LYRM7: variants seen among roughly 807,000 people sequenced by gnomAD.
LYRM7 encodes the protein LYR motif containing 7.
Under a neutral mutation model 15.8 loss-of-function variants are expected in LYRM7, and 9 were observed. That is an observed-to-expected ratio of 0.57 (90% CI 0.34 to 0.99). The LOEUF (loss-of-function observed/expected upper bound fraction) is 0.99, where lower values mean the gene tolerates loss of function less well. LYRM7 is among the 50% of genes least tolerant of loss of function. The pLI is 0.02. For synonymous variants in LYRM7, 39 were observed against 39.4 expected (o/e 0.99, Z 0.04); for missense variants, 115 against 119.1 (o/e 0.97, Z 0.16).
At chr5:131,182,912 T>C (rs1005751479) in intron 3 of LYRM7, among the ~76,000 whole-genome samples, 1 of 152,140 alleles carries the variant, frequency 6.6e-6, no homozygotes, top group Non-Finnish European at 1.5e-5. Context: ...CAGCTTCCTA[T>C]GTCTAACTAT....
At chr5:131,197,617 C>T (rs1241702936) in intron 4 of LYRM7, among the ~76,000 whole-genome samples, 1 of 138,510 alleles carries the variant, frequency 7.2e-6, no homozygotes, top group African/African-American at 2.7e-5. Flanking sequence ...TTATTGCTCA[C>T]TGTAATCTCA....
At chr5:131,193,464 C>A (rs1755916307) in intron 4 of LYRM7, among the ~76,000 whole-genome samples, 1 of 152,192 alleles carries the variant, frequency 6.6e-6, no homozygotes, top group African/African-American at 2.4e-5. Context: ...GGGAAGAAAA[C>A]ACTTTTGTGT....
At chr5:131,186,304 T>C (rs1334070189) in intron 3 of LYRM7, among the ~76,000 whole-genome samples, 1 of 152,208 alleles carries the variant, frequency 6.6e-6, no homozygotes, top group Non-Finnish European at 1.5e-5. Flanking sequence ...AAAATGTGCA[T>C]TTTAAACACA....
At chr5:131,181,949 G>C (rs1755720090) in intron 2 of LYRM7, among the ~76,000 whole-genome samples, 1 of 152,128 alleles carries the variant, frequency 6.6e-6, no homozygotes, top group Non-Finnish European at 1.5e-5. Context: ...TTATAATTCA[G>C]TAGCTATAGG....
intron 1 of LYRM7, among the ~76,000 whole-genome samples, chr5:131,178,696 C>A (rs928239285): frequency 2.0e-5 from 3 of 152,110 alleles, no homozygotes; most frequent in African/African-American, 7.2e-5. Flanking sequence ...GACGTAGTGG[C>A]TCACACCTGT....
chr5:131,196,045 A>G (rs1580700567), intron 4 of LYRM7, among the ~76,000 whole-genome samples: 1 of 150,950 alleles, frequency 6.6e-6, no homozygotes, highest in East Asian at 1.9e-4. Context: ...ATTTATATGC[A>G]TTTTGCATAG....
chr5:131,175,904 G>A lies in LYRM7; in HGVS notation c.19-4191G>A, dbSNP rs1231058126. Among the ~76,000 whole-genome samples the A allele has an allele frequency of 3.3e-5, 5 of 152,064 alleles. No homozygotes were observed. The East Asian group carries it at 9.7e-4, about 29-fold the overall frequency. On this transcript the variant is annotated intron_variant, in intron 1 of 4. Coordinates refer to ENST00000379380, the MANE Select transcript of LYRM7 (RefSeq NM_181705.4). Reference sequence around the variant, plus strand: ...CTCCCAAGTAGCTGGGATTACAGGTGCCCACCACCACACCAGCTAATTTTT... The same window carrying A: ...CTCCCAAGTAGCTGGGATTACAGGTACCCACCACCACACCAGCTAATTTTT...
intron 4 of LYRM7, among the ~76,000 whole-genome samples, chr5:131,187,967 A>G (rs533928053): frequency 1.3e-5 from 2 of 152,218 alleles, no homozygotes; most frequent in South Asian, 4.2e-4. Context: ...ATGACATTCA[A>G]AATTGTTGGC....
intron 4 of LYRM7, among the ~76,000 whole-genome samples, chr5:131,198,733 A>ATT (rs564975657): frequency 8.9e-5 from 12 of 134,708 alleles, no homozygotes; most frequent in African/African-American, 2.2e-4. Flanking sequence ...CACCCAGCTG[A>ATT]TTTTTTTTTT....
intron 4 of LYRM7, among the ~76,000 whole-genome samples, chr5:131,190,714 C>T (rs1355526314): frequency 6.6e-6 from 1 of 151,882 alleles, no homozygotes; most frequent in African/African-American, 2.4e-5. Context: ...TGGTCTGGAA[C>T]TCCTGACCTC....
At chr5:131,172,925 G>A (rs1755545452) in intron 1 of LYRM7, among the ~76,000 whole-genome samples, 1 of 152,106 alleles carries the variant, frequency 6.6e-6, no homozygotes, top group South Asian at 2.1e-4. Flanking sequence ...TCTGTGACCT[G>A]GCTTTCTGCA....
At chr5:131,181,886 C>T (rs1755718974) in intron 2 of LYRM7, among the ~76,000 whole-genome samples, 1 of 151,894 alleles carries the variant, frequency 6.6e-6, no homozygotes, top group Non-Finnish European at 1.5e-5. Context: ...CTTAAAAAAG[C>T]ATTTTAATAG....
rs527547632 is a variant in LYRM7, at chr5:131,195,975, T to C, written c.245-3556T>C. Among the ~76,000 whole-genome samples the C allele has an allele frequency of 4.6e-5, 7 of 152,164 alleles. 1 individual carries two copies. The South Asian group carries it at 1.2e-3, about 27-fold the overall frequency. On this transcript the variant is annotated intron_variant, in intron 4 of 4. Transcript: ENST00000379380. ...TGTAACCAAACATCCTTGATTTCAGTCTAGATGAGACCTGAGGGGACAGGT... is the reference window on the plus strand; with the variant it reads ...TGTAACCAAACATCCTTGATTTCAGCCTAGATGAGACCTGAGGGGACAGGT...
rs756131772 is a variant in LYRM7, at chr5:131,202,863, G to T, written c.*3262G>T. 6.6e-5 allele frequency: 10 copies of T among 152,324 alleles called. No homozygotes were observed. Among genetic ancestry groups the T allele is most frequent in the Non-Finnish European group, 1.5e-4 (10 of 68,032 alleles). The allele number at this position is 152,324 out of a possible 1,614,324, so 9.4% of individuals were successfully genotyped here. ...TAACACAATCTTTTAGCGGAAGTTA[G>T]AAATGGTATATAGCAGGAGAGTCAG... On this transcript the variant is annotated 3_prime_UTR_variant, in exon 5 of 5. Coordinates refer to ENST00000379380, the MANE Select transcript of LYRM7 (RefSeq NM_181705.4).
rs897205282 is a variant in LYRM7 at position 131,204,047 on chromosome 5, C to T, written c.*4446C>T. ...AGGTTGTAAGACTATAAGGAAATAG[C>T]CACTGTCATATCATTTTTAAAGGAA... On this transcript the variant is annotated 3_prime_UTR_variant, in exon 5 of 5. Coordinates refer to ENST00000379380, the MANE Select transcript of LYRM7 (RefSeq NM_181705.4). 1.3e-5 allele frequency: 2 copies of T among 151,590 alleles called. No homozygotes were observed. The highest frequency in any genetic ancestry group is 4.8e-5 in the African/African-American group (2 of 41,324). 9.4% of individuals were successfully genotyped at this position (151,590 alleles called of 1,614,324 possible). A position where few individuals can be genotyped will look rare whatever the true frequency, so the allele number is the denominator to read the frequency against.
At chr5:131,192,453 A>G (rs915625193) in intron 4 of LYRM7, among the ~76,000 whole-genome samples, 2 of 152,224 alleles carry the variant, frequency 1.3e-5, no homozygotes, top group African/African-American at 2.4e-5. Flanking sequence ...GAAATGATCA[A>G]TAAGGTCATA....
intron 4 of LYRM7, among the ~76,000 whole-genome samples, chr5:131,189,137 C>G (rs1264792320): frequency 6.6e-6 from 1 of 150,958 alleles, no homozygotes; most frequent in Admixed American, 6.6e-5. Flanking sequence ...CAGAGTGAGA[C>G]TCCATCTCAA....
In LYRM7 at chr5:131,182,237, A is replaced by C. The variant is rs200336982; in HGVS notation, c.100A>C (p.Ile34Leu). The C allele has an allele frequency of 3.5e-4, 502 of 1,432,344 alleles. 3 individuals carry two copies. The highest frequency in any genetic ancestry group is 1.6e-3 in the Middle Eastern group (9 of 5,480). The allele number at this position is 1,432,344 out of a possible 1,614,324, so 88.7% of individuals were successfully genotyped here. Residue 34 changes from isoleucine (I) to leucine (L), a missense_variant, in exon 3 of 5, where the codon ATA becomes CTA. Coordinates refer to ENST00000379380, the MANE Select transcript of LYRM7 (RefSeq NM_181705.4). ...TATTTTTCTCTTTGTAGCAGCCAGAATAAAGATAAATGAAGAATTCAAAAA... is the reference window on the plus strand; with the variant it reads ...TATTTTTCTCTTTGTAGCAGCCAGACTAAAGATAAATGAAGAATTCAAAAA... ...NDARALEAAR[I>L]KINEEFKNNK...
At chr5:131,181,275 GAAAAA>G (rs1195878324) in intron 2 of LYRM7, among the ~76,000 whole-genome samples, 16 of 8,334 alleles carry the variant, frequency 1.9e-3, no homozygotes, top group African/African-American at 3.7e-3. Flanking sequence ...GACTCCATCT[GAAAAA>G]AAAAAAAAAA....
Sources: gnomAD v4.1 joint callset for allele counts (sites outside exome capture counted in the v4.1 genomes callset) on GRCh38, gnomAD v4.1.1 for gene constraint, MANE v1.5 for transcripts, NCBI Gene and HGNC (gene_info 2026-07-23, HGNC 2026-07-21) for gene names.